GALNT2: variants seen among roughly 807,000 people sequenced by gnomAD.
GALNT2 encodes polypeptide N-acetylgalactosaminyltransferase 2.
A neutral mutation model predicts 81.4 loss-of-function variants in GALNT2; 31 were observed. The observed-to-expected ratio is 0.38, with a 90% CI of 0.29 to 0.51. GALNT2 has a LOEUF of 0.51. Among genes scored for constraint, GALNT2 ranks in the 20% least tolerant of loss-of-function variants. The probability of loss-of-function intolerance (pLI) is 0.87; values close to 1 mark genes in which losing one functional copy is unlikely to be tolerated. For synonymous variants in GALNT2, 303 were observed against 287.4 expected (o/e 1.05, Z -0.55); for missense variants, 629 against 765.7 (o/e 0.82, Z 2.11).
At chr1:230,278,942 T>A (rs1454973839) in intron 15 of GALNT2, among the ~76,000 whole-genome samples, 1 of 152,140 alleles carries the variant, frequency 6.6e-6, no homozygotes, top group Non-Finnish European at 1.5e-5. Context: ...CATCACTGGA[T>A]CAAGCTTTCA....
intron 1 of GALNT2, among the ~76,000 whole-genome samples, chr1:230,115,006 C>CTT (rs10666711): frequency 0.29 from 36,900 of 129,054 alleles, 5,605 homozygotes; most frequent in East Asian, 0.38. Context: ...AGGGTTCACT[C>CTT]TTTTTTTTTT....
At chr1:230,124,697 G>GA (rs1292285377) in intron 1 of GALNT2, among the ~76,000 whole-genome samples, 7 of 152,192 alleles carry the variant, frequency 4.6e-5, no homozygotes, top group Admixed American at 1.3e-4. Context: ...CACAGTCTTG[G>GA]AACCTCCCAC....
In GALNT2 at chr1:230,275,316, C is replaced by CAT. The variant is rs948389311; in HGVS notation, c.1560+760_1560+761dup. Among the ~76,000 whole-genome samples, 111 of 151,388 alleles carry CAT rather than the reference C, an allele frequency of 7.3e-4. No homozygotes were observed. The highest frequency in any genetic ancestry group is 2.6e-3 in the African/African-American group (106 of 41,212). On this transcript the variant is annotated intron_variant, in intron 15 of 15. Transcript: ENST00000366672. This position sits in a 1 kb window ranked among gnomAD's most constrained non-coding sequence, Gnocchi z 5.5. ...CACATTTATACATATATAAACGCCA[C>CAT]ATATATATACACACCACATATGTAT...
chr1:230,105,292 C>G (rs1191127486), intron 1 of GALNT2, among the ~76,000 whole-genome samples: 1 of 152,224 alleles, frequency 6.6e-6, no homozygotes, highest in Non-Finnish European at 1.5e-5. Context: ...ACCCACTGCT[C>G]TGTGGACTCA....
At chr1:230,251,920 G>A (rs975679265) in intron 10 of GALNT2, among the ~76,000 whole-genome samples, 3 of 151,848 alleles carry the variant, frequency 2.0e-5, no homozygotes, top group African/African-American at 2.4e-5. Context: ...GTTGTAAGGA[G>A]CTGCTTTATT....
intron 8 of GALNT2, among the ~76,000 whole-genome samples, chr1:230,248,534 G>A (rs958588994): frequency 1.3e-5 from 2 of 152,160 alleles, no homozygotes; most frequent in African/African-American, 4.8e-5. Flanking sequence ...CCGGGTACAG[G>A]GTCTAGGCTC....
chr1:230,220,482 G>A (rs1664513899), intron 3 of GALNT2, among the ~76,000 whole-genome samples: 1 of 151,970 alleles, frequency 6.6e-6, no homozygotes, highest in Admixed American at 6.6e-5. Context: ...TCTTCAGCTT[G>A]ATATCCTGCA....
At chr1:230,272,602 A>G (rs1666185061) in intron 14 of GALNT2, among the ~76,000 whole-genome samples, 1 of 152,086 alleles carries the variant, frequency 6.6e-6, no homozygotes, top group South Asian at 2.1e-4. Flanking sequence ...GGGAGGAGGA[A>G]GTCTTCAGAC....
At chr1:230,165,901 A>C (rs1662587168) in intron 1 of GALNT2, among the ~76,000 whole-genome samples, 1 of 152,230 alleles carries the variant, frequency 6.6e-6, no homozygotes, top group South Asian at 2.1e-4. Context: ...CATGATGTGA[A>C]TGTGCTCCAC....
chr1:230,104,956 A>G (rs1205985882), intron 1 of GALNT2, among the ~76,000 whole-genome samples: 1 of 152,238 alleles, frequency 6.6e-6, no homozygotes, highest in East Asian at 1.9e-4. Context: ...AGTGGGGGAA[A>G]GTGTCAGAGA....
chr1:230,117,646 A>G lies in GALNT2; in HGVS notation c.126+50240A>G, dbSNP rs560338588. ...GAACACACACCATGTTTATCCATTA[A>G]GTTTGCCATTTTGTATGGTTCATGG... On this transcript the variant is annotated intron_variant, in intron 1 of 15. Coordinates refer to ENST00000366672, the MANE Select transcript of GALNT2 (RefSeq NM_004481.5). Among the ~76,000 whole-genome samples the G allele has an allele frequency of 1.2e-4, 19 of 152,324 alleles. No individual in the cohort carries two copies. In the South Asian group the frequency reaches 3.7e-3, roughly 30 times the overall value.
chr1:230,201,261 G>A (rs1263690119), intron 2 of GALNT2, among the ~76,000 whole-genome samples: 1 of 152,138 alleles, frequency 6.6e-6, no homozygotes, highest in Non-Finnish European at 1.5e-5. Context: ...TGGTATCATC[G>A]CTGTAGCCAG....
chr1:230,210,301 A>G (rs1337393638), intron 3 of GALNT2, among the ~76,000 whole-genome samples: 6 of 152,136 alleles, frequency 3.9e-5, no homozygotes, highest in Admixed American at 3.3e-4. Flanking sequence ...GGGGGAAACC[A>G]TTTTCTTTGT....
At chr1:230,140,892 C>T (rs1661709121) in intron 1 of GALNT2, among the ~76,000 whole-genome samples, 1 of 152,184 alleles carries the variant, frequency 6.6e-6, no homozygotes, top group African/African-American at 2.4e-5. Context: ...ACCTCTTTTC[C>T]ATTACCAAGT....
intron 10 of GALNT2, 46 bp from the exon 11 acceptor site, chr1:230,255,172 G>A: frequency 1.2e-6 from 2 of 1,613,684 alleles, no homozygotes; most frequent in Non-Finnish European, 1.7e-6. Flanking sequence ...TTGCAGAGGT[G>A]CGTCCCAGGC....
chr1:230,229,758 A>T (rs1329660130), intron 3 of GALNT2, among the ~76,000 whole-genome samples: 3 of 152,216 alleles, frequency 2.0e-5, no homozygotes, highest in African/African-American at 7.2e-5. Context: ...GTCAGAACAG[A>T]TGCACCTCCC....
At chr1:230,112,815 C>T (rs1388054236) in intron 1 of GALNT2, among the ~76,000 whole-genome samples, 1 of 152,016 alleles carries the variant, frequency 6.6e-6, no homozygotes, top group Non-Finnish European at 1.5e-5. Context: ...GGGACCAGGC[C>T]TGGCTCCGCT....
intron 1 of GALNT2, among the ~76,000 whole-genome samples, chr1:230,125,845 T>C (rs577034131): frequency 3.5e-4 from 53 of 152,336 alleles, no homozygotes; most frequent in African/African-American, 4.6e-4. Flanking sequence ...TTCTCCAGGA[T>C]TGGAATGTGT....
intron 1 of GALNT2, among the ~76,000 whole-genome samples, chr1:230,177,268 A>G (rs1051027286): frequency 2.0e-5 from 3 of 152,232 alleles, no homozygotes; most frequent in African/African-American, 7.2e-5. Context: ...ACTGGTCCAG[A>G]GGAGTGCTGG....
Sources: gnomAD v4.1 joint callset for allele counts (sites outside exome capture counted in the v4.1 genomes callset) on GRCh38, gnomAD v4.1.1 for gene constraint, Gnocchi (gnomAD v3.1) non-coding constraint, MANE v1.5 for transcripts, NCBI Gene and HGNC (gene_info 2026-07-23, HGNC 2026-07-21) for gene names.